DAW1: variants seen among roughly 807,000 people sequenced by gnomAD.
DAW1 encodes dynein assembly factor with WD repeat domains 1.
In DAW1, 47 loss-of-function variants were observed where a neutral mutation model predicts 56.5. That is an observed-to-expected ratio of 0.83 (90% CI 0.66 to 1.06). The LOEUF is 1.06. Ranked by LOEUF, DAW1 falls within the 50% of genes least tolerant of loss-of-function variation. The probability of loss-of-function intolerance (pLI) is 0.00; values close to 1 mark genes in which losing one functional copy is unlikely to be tolerated. For missense variants in DAW1, 505 were observed against 499.3 expected (o/e 1.01, Z -0.11); for synonymous variants, 190 against 179.0 (o/e 1.06, Z -0.49).
At chr2:227,903,375 A>G (rs1559309680) in intron 7 of DAW1, among the ~76,000 whole-genome samples, 3 of 152,218 alleles carry the variant, frequency 2.0e-5, no homozygotes, top group Non-Finnish European at 4.4e-5. Flanking sequence ...TCTGGCTAAA[A>G]GGAAAGCAGG....
intron 11 of DAW1, among the ~76,000 whole-genome samples, chr2:227,919,753 T>C (rs1186903248): frequency 6.6e-6 from 1 of 152,206 alleles, no homozygotes; most frequent in Non-Finnish European, 1.5e-5. Flanking sequence ...TAGAGTAGGC[T>C]AGGATTGGTG....
At chr2:227,902,212 C>T (rs1691562822) in intron 6 of DAW1, among the ~76,000 whole-genome samples, 1 of 152,156 alleles carries the variant, frequency 6.6e-6, no homozygotes, top group Non-Finnish European at 1.5e-5. Flanking sequence ...CTTAAGCTAC[C>T]TTGGCTGGGT....
chr2:227,901,167 G>T (rs1393442664), intron 6 of DAW1, among the ~76,000 whole-genome samples: 1 of 152,166 alleles, frequency 6.6e-6, no homozygotes, highest in African/African-American at 2.4e-5. Context: ...CTGTTGTAAA[G>T]ATAGATGAAG....
chr2:227,875,078 G>A (rs57413909), intron 1 of DAW1, among the ~76,000 whole-genome samples: 72,849 of 151,798 alleles, frequency 0.48, 17,661 homozygotes, highest in Admixed American at 0.58. Context: ...TACATCTCAT[G>A]TGGGGGTCTC....
At chr2:227,877,565 CT>C (rs1690909324) in intron 1 of DAW1, among the ~76,000 whole-genome samples, 1 of 152,358 alleles carries the variant, frequency 6.6e-6, no homozygotes, top group Non-Finnish European at 1.5e-5. Flanking sequence ...GTTACACAAC[CT>C]TTTTGGCACC....
At chr2:227,883,806 T>C (rs1348245705) in intron 1 of DAW1, among the ~76,000 whole-genome samples, 1 of 152,224 alleles carries the variant, frequency 6.6e-6, no homozygotes, top group Non-Finnish European at 1.5e-5. Flanking sequence ...AAAATATAGT[T>C]ATTTTTACAA....
chr2:227,875,069 A>G (rs58099453), intron 1 of DAW1, among the ~76,000 whole-genome samples: 72,852 of 151,810 alleles, frequency 0.48, 17,663 homozygotes, highest in Admixed American at 0.58. Context: ...TGTCCACCGT[A>G]CATCTCATGT....
intron 12 of DAW1, among the ~76,000 whole-genome samples, chr2:227,922,676 C>T (rs535314137): frequency 6.6e-6 from 1 of 152,296 alleles, no homozygotes; most frequent in African/African-American, 2.4e-5. Flanking sequence ...TGAGAATTAT[C>T]TCCCCTTACC....
At chr2:227,875,832 G>C (rs1278016332) in intron 1 of DAW1, among the ~76,000 whole-genome samples, 1 of 152,074 alleles carries the variant, frequency 6.6e-6, no homozygotes, top group Non-Finnish European at 1.5e-5. Flanking sequence ...TGTCTATTTT[G>C]TTTGCTCCTT....
chr2:227,888,235 G>A (rs1236154382), intron 2 of DAW1, among the ~76,000 whole-genome samples: 1 of 152,100 alleles, frequency 6.6e-6, no homozygotes. Flanking sequence ...TTCCTAGCTC[G>A]GTGCCTTGCA....
intron 10 of DAW1, among the ~76,000 whole-genome samples, chr2:227,914,825 G>A (rs112457155): frequency 2.2e-4 from 33 of 152,058 alleles, no homozygotes; most frequent in African/African-American, 6.5e-4. Context: ...AGATAATGTC[G>A]TACTAATATA....
intron 10 of DAW1, among the ~76,000 whole-genome samples, chr2:227,908,335 T>A (rs1286983800): frequency 6.6e-6 from 1 of 152,208 alleles, no homozygotes; most frequent in Admixed American, 6.5e-5. Flanking sequence ...ACCATGATCA[T>A]CTTGCTGACA....
chr2:227,900,786 T>C (rs1691522603), intron 6 of DAW1, among the ~76,000 whole-genome samples: 1 of 152,218 alleles, frequency 6.6e-6, no homozygotes. Flanking sequence ...GGGAGCTGCC[T>C]GCTGTGCATG....
rs1691625877 is a variant in DAW1, at chr2:227,904,326, C to A, written c.649-603C>A. Among the ~76,000 whole-genome samples the A allele has an allele frequency of 3.9e-5, 6 of 152,132 alleles. No individual in the cohort carries two copies. The South Asian group carries it at 1.2e-3, about 32-fold the overall frequency. On this transcript the variant is annotated intron_variant, in intron 7 of 12. Transcript: ENST00000309931. ...GAATCAAGGGATATATGTACTCCAA[C>A]CAGGATCCCCTTATCAGAGTTCCAG...
intron 1 of DAW1, among the ~76,000 whole-genome samples, chr2:227,881,288 G>A (rs750813930): frequency 2.0e-5 from 3 of 152,156 alleles, no homozygotes; most frequent in East Asian, 1.9e-4. Context: ...ACTAGGTAAC[G>A]GCAGGCACTG....
chr2:227,893,795 C>G lies in DAW1; in HGVS notation c.318C>G (p.Cys106Trp). 6.2e-7 allele frequency: 1 copy of G among 1,610,124 alleles called. No individual in the cohort carries two copies. The highest frequency in any genetic ancestry group is 8.5e-7 in the Non-Finnish European group (1 of 1,178,752). ...AACGTGTTTATATTCCTTGTGTTAGCTTTATCACAGGAAGCTATGATCGGA... is the reference window on the plus strand; with the variant it reads ...AACGTGTTTATATTCCTTGTGTTAGGTTTATCACAGGAAGCTATGATCGGA... Reference protein sequence around the residue: ...TNVALNKSGSCFITGSYDRTC... With the variant: ...TNVALNKSGSWFITGSYDRTC... The change falls in exon 5 of 13, where the codon TGC becomes TGG. Residue 106 changes from cysteine (C) to tryptophan (W), a missense_variant and splice_region_variant. Transcript: ENST00000309931.
intron 10 of DAW1, chr2:227,912,438 C>G: frequency 1.5e-6 from 2 of 1,304,844 alleles, no homozygotes; most frequent in Non-Finnish European, 1.0e-6. Flanking sequence ...TGATGCTAAA[C>G]TATGCCTGTG....
chr2:227,889,976 C>T lies in DAW1; in HGVS notation c.234C>T (p.Ser78=), dbSNP rs1329543406. 1.3e-6 allele frequency: 2 copies of T among 1,595,280 alleles called. No individual in the cohort carries two copies. Among genetic ancestry groups the T allele is most frequent in the African/African-American group, 1.4e-5 (1 of 73,766 alleles). The change falls in exon 3 of 13, where the codon AGC becomes AGT. Residue 78 remains serine (S), a synonymous_variant. Coordinates refer to ENST00000309931, the MANE Select transcript of DAW1 (RefSeq NM_178821.3). ...TGCAAGAGAAACTCGGCCAGAACAG[C>T]AATCACACGTTCTATCTTTTTAAGG... ...QRLQEKLGQN[S]NHTFYLFKVL... is the part of the protein sequence containing the mutation.
intron 5 of DAW1, among the ~76,000 whole-genome samples, chr2:227,895,190 G>A (rs982198615): frequency 6.6e-6 from 1 of 152,194 alleles, no homozygotes; most frequent in Non-Finnish European, 1.5e-5. Context: ...ACTAGATATT[G>A]TAGAGGTTTG....
Sources: gnomAD v4.1 joint callset for allele counts (sites outside exome capture counted in the v4.1 genomes callset) on GRCh38, gnomAD v4.1.1 for gene constraint, MANE v1.5 for transcripts, NCBI Gene and HGNC (gene_info 2026-07-23, HGNC 2026-07-21) for gene names.